Variants in AOAH observed in about 807,000 individuals in gnomAD.
AOAH encodes the protein acyloxyacyl hydrolase, also known as acyloxyacyl hydrolase (neutrophil).
In AOAH, 64 loss-of-function variants were observed where a neutral mutation model predicts 92.2. The observed-to-expected ratio is 0.69, with a 90% CI of 0.57 to 0.86. AOAH has a LOEUF of 0.86. AOAH is among the 40% of genes least tolerant of loss of function. AOAH has a pLI of 0.00. For synonymous variants in AOAH, 263 were observed against 254.5 expected (o/e 1.03, Z -0.32); for missense variants, 656 against 694.6 (o/e 0.94, Z 0.62).
intron 12 of AOAH, among the ~76,000 whole-genome samples, chr7:36,587,299 A>C (rs1427520974): frequency 2.0e-5 from 3 of 151,590 alleles, no homozygotes; most frequent in Non-Finnish European, 4.4e-5. Flanking sequence ...AAAAGAAAGA[A>C]AGAAAAGAAA....
In AOAH at chr7:36,686,871, CGTGTGTGT is replaced by C. The variant is rs35260531; in HGVS notation, c.128-85_128-78del. The C allele has an allele frequency of 7.4e-3, 3,840 of 518,084 alleles. 106 individuals carry two copies. Among genetic ancestry groups the C allele is most frequent in the African/African-American group, 0.065 (3,265 of 50,608 alleles). 32.1% of individuals were successfully genotyped at this position (518,084 alleles called of 1,614,324 possible). A position where few individuals can be genotyped will look rare whatever the true frequency, so the allele number is the denominator to read the frequency against. On this transcript the variant is annotated intron_variant, in intron 1 of 20. Transcript: ENST00000617537. ...GGAGGGACAGGAGAAAGAAAGGATG[CGTGTGTGT>C]GTGTGTGTGTGTGTGTGTCCTTAAG...
In AOAH at chr7:36,686,716, A is replaced by G. The variant is rs200019293; in HGVS notation, c.206T>C (p.Leu69Pro). The G allele has an allele frequency of 3.0e-5, 47 of 1,549,588 alleles. No individual in the cohort carries two copies. The African/African-American group carries it at 3.6e-4, about 12-fold the overall frequency. Residue 69 changes from leucine (L) to proline (P), a missense_variant, in exon 2 of 21, where the codon CTG (leucine) becomes CCG (proline). By Grantham distance (98) the Leu-to-Pro change is moderately conservative (BLOSUM62 -3). Transcript: ENST00000617537. ...ATATTTACCAGGCAGGTAGCTGCAC[A>G]GTCTCTCCATCGAGGCCTGGACCGT... ...NSTVQASMER[L>P]CSYLPEKLFL... is the part of the protein sequence containing the mutation.
chr7:36,705,029 C>T (rs879473533), intron 1 of AOAH, among the ~76,000 whole-genome samples: 3 of 152,104 alleles, frequency 2.0e-5, no homozygotes, highest in Non-Finnish European at 2.9e-5. Context: ...AAACCCACAG[C>T]CAATATCATA....
At chr7:36,548,742 GC>G in intron 14 of AOAH, 56 bp from the exon 15 acceptor site, 2 of 1,502,708 alleles carry the variant, frequency 1.3e-6, no homozygotes, top group South Asian at 1.1e-5. Flanking sequence ...TAGCTTTGTA[GC>G]CAGTGACACA....
chr7:36,714,339 C>T (rs1044322337), intron 1 of AOAH, among the ~76,000 whole-genome samples: 49 of 152,276 alleles, frequency 3.2e-4, no homozygotes, highest in African/African-American at 1.2e-3. Context: ...TAATTAATAG[C>T]TTACCAACCA....
Position 36,724,237 on chromosome 7 carries a change from T to C in AOAH, c.-89A>G. 4.1e-6 allele frequency: 6 copies of C among 1,462,458 alleles called. No individual in the cohort carries two copies. The highest frequency in any genetic ancestry group is 5.7e-6 in the Non-Finnish European group (6 of 1,058,174). 90.6% of individuals were successfully genotyped at this position (1,462,458 alleles called of 1,614,324 possible). A position where few individuals can be genotyped will look rare whatever the true frequency, so the allele number is the denominator to read the frequency against. ...GCTGAGGCTGCAGAATCAATTGATC[T>C]CTCTCTCCTTCTCTTCCTCACTCTC... On this transcript the variant is annotated 5_prime_UTR_variant, in exon 1 of 21. Transcript: ENST00000617537.
intron 1 of AOAH, among the ~76,000 whole-genome samples, chr7:36,722,851 G>A (rs1419473693): frequency 7.0e-6 from 1 of 143,208 alleles, no homozygotes; most frequent in Non-Finnish European, 1.5e-5. Flanking sequence ...GGAGAATTGT[G>A]TGAACCAGGG....
chr7:36,658,020 CA>C (rs1794992396), intron 4 of AOAH, among the ~76,000 whole-genome samples: 1 of 151,948 alleles, frequency 6.6e-6, no homozygotes, highest in Non-Finnish European at 1.5e-5. Context: ...TATTATGATA[CA>C]ATAGTCACAC....
intron 1 of AOAH, among the ~76,000 whole-genome samples, chr7:36,719,017 C>A (rs1389490693): frequency 6.6e-6 from 1 of 152,152 alleles, no homozygotes; most frequent in Admixed American, 6.5e-5. Context: ...TCAACAATAA[C>A]ATAATCATAA....
intron 11 of AOAH, 98 bp from the exon 12 acceptor site, chr7:36,594,528 G>C: frequency 2.0e-6 from 2 of 991,192 alleles, no homozygotes; most frequent in Non-Finnish European, 3.2e-6. Context: ...CTGTGTGTCT[G>C]TTTCCCACTC....
intron 20 of AOAH, chr7:36,514,372 G>A (rs968713601): frequency 9.8e-6 from 9 of 916,544 alleles, no homozygotes; most frequent in African/African-American, 8.3e-5. Flanking sequence ...TGGGATCCTG[G>A]CAGGCTGTGA....
chr7:36,566,742 A>G (rs1282973260), intron 13 of AOAH, among the ~76,000 whole-genome samples: 1 of 152,138 alleles, frequency 6.6e-6, no homozygotes, highest in African/African-American at 2.4e-5. Context: ...TGTAACTGAT[A>G]TATGACCTTC....
At position 36,512,988 on chromosome 7, in the gene AOAH, A is replaced by T; in HGVS notation, c.*264T>A. On this transcript the variant is annotated 3_prime_UTR_variant, in exon 21 of 21. Transcript: ENST00000617537. ...GAACAATTAGCTGTAAAGGGCACAG[A>T]TACTCTCTTGTTTGGAATGGCACCC... is the stretch of plus-strand genomic sequence containing the variant. 2.1e-6 allele frequency: 3 copies of T among 1,439,944 alleles called. No homozygotes were observed. Among genetic ancestry groups the T allele is most frequent in the East Asian group, 2.5e-5 (1 of 40,544 alleles). 89.2% of individuals were successfully genotyped at this position (1,439,944 alleles called of 1,614,324 possible).
At chr7:36,562,374 A>C (rs2116487110) in intron 13 of AOAH, among the ~76,000 whole-genome samples, 1 of 152,342 alleles carries the variant, frequency 6.6e-6, no homozygotes, top group Non-Finnish European at 1.5e-5. Context: ...GTGGCAAAGT[A>C]AGGCAAACAT....
rs1799827715 is a variant in AOAH, at chr7:36,724,137, G to A, written c.12C>T (p.Pro4=). Residue 4 remains proline, a synonymous_variant, in exon 1 of 21, where the codon CCC becomes CCT. Transcript: ENST00000617537. MQS[P]WKILTVAPLF... is the part of the protein sequence containing the mutation. ...GAGGCGCCACCGTAAGGATTTTCCA[G>A]GGGGACTGCATCTCCGAGCTATGCA... 1 of 1,613,250 alleles carries A rather than the reference G, an allele frequency of 6.2e-7. No individual in the cohort carries two copies. The highest frequency in any genetic ancestry group is 2.2e-5 in the East Asian group (1 of 44,824).
intron 18 of AOAH, 190 bp from the exon 19 acceptor site, chr7:36,530,704 T>C (rs1784642952): frequency 1.1e-5 from 6 of 538,358 alleles, no homozygotes; most frequent in Non-Finnish European, 2.0e-5. Flanking sequence ...ATGAGACAAA[T>C]GTTAATGTTC....
chr7:36,720,002 A>T (rs1395258594), intron 1 of AOAH, among the ~76,000 whole-genome samples: 1 of 151,992 alleles, frequency 6.6e-6, no homozygotes, highest in Non-Finnish European at 1.5e-5. Context: ...CAGCTGCCTA[A>T]TCACCTTTTG....
At chr7:36,556,847 C>T (rs1377267364) in intron 13 of AOAH, among the ~76,000 whole-genome samples, 3 of 149,464 alleles carry the variant, frequency 2.0e-5, no homozygotes, top group Admixed American at 6.7e-5. Flanking sequence ...GTAGATCTTC[C>T]TCCATCCTTT....
intron 11 of AOAH, among the ~76,000 whole-genome samples, chr7:36,610,813 T>C (rs1422642512): frequency 1.3e-5 from 2 of 152,162 alleles, no homozygotes; most frequent in Non-Finnish European, 2.9e-5. Context: ...ATTGCCTTGT[T>C]GCGCTTTGAC....
Sources: allele counts gnomAD v4.1 joint callset (sites outside exome capture counted in the v4.1 genomes callset), GRCh38; gene constraint gnomAD v4.1.1; transcripts MANE v1.5; gene names NCBI Gene and HGNC (gene_info 2026-07-23, HGNC 2026-07-21).